The following STARD7 variants were observed in gnomAD, a reference collection of about 807,000 sequenced individuals.
STARD7 encodes the protein StAR related lipid transfer domain containing 7.
In STARD7, 30 loss-of-function variants were observed where a neutral mutation model predicts 45.3. That is an observed-to-expected ratio of 0.66 (90% confidence interval 0.50 to 0.90). The LOEUF is 0.90. STARD7 is among the 40% of genes least tolerant of loss of function. STARD7 has a pLI of 0.00. For missense variants in STARD7, 495 were observed against 491.3 expected (o/e 1.01, Z -0.07); for synonymous variants, 199 against 183.0 (o/e 1.09, Z -0.70).
chr2:96,186,076 CT>C lies in STARD7; in HGVS notation c.*653del, dbSNP rs1683031947. On this transcript the variant is annotated 3_prime_UTR_variant, in exon 8 of 8. Transcript: ENST00000337288. Reference sequence around the variant, plus strand: ...ATTGTGCAGGCAGGGAGGGAAATTTCTTTGTACAAATTCATGTCCCTGGCCA... The same window carrying C: ...ATTGTGCAGGCAGGGAGGGAAATTTCTTGTACAAATTCATGTCCCTGGCCA... 1 of 151,794 alleles carries C rather than the reference CT, an allele frequency of 6.6e-6. No individual in the cohort carries two copies. Among genetic ancestry groups the C allele is most frequent in the Non-Finnish European group, 1.5e-5 (1 of 67,994 alleles). 9.4% of individuals were successfully genotyped at this position (151,794 alleles called of 1,614,324 possible).
At chr2:96,198,168 C>T (rs1264210232) in intron 1 of STARD7, among the ~76,000 whole-genome samples, 2 of 151,954 alleles carry the variant, frequency 1.3e-5, no homozygotes, top group Non-Finnish European at 2.9e-5. Context: ...ACTAAAAATA[C>T]AAAAATTAGC....
intron 1 of STARD7, among the ~76,000 whole-genome samples, chr2:96,206,756 G>C (rs1683397352): frequency 7.2e-6 from 1 of 137,964 alleles, no homozygotes; most frequent in African/African-American, 2.7e-5. Flanking sequence ...AGCCTAGATC[G>C]CGCCACTGCA....
Position 96,208,598 on chromosome 2 carries a change from G to A in STARD7, c.-164C>T, listed in dbSNP as rs928668250. On this transcript the variant is annotated 5_prime_UTR_variant, in exon 1 of 8. Transcript: ENST00000337288. Reference sequence around the variant, plus strand: ...CATCTGTCTCTGCAGCCACCGCTGAGGAAGAGTCTCCTCTGAGGGGAGAGT... The same window carrying A: ...CATCTGTCTCTGCAGCCACCGCTGAAGAAGAGTCTCCTCTGAGGGGAGAGT... The A allele has an allele frequency of 2.0e-5, 11 of 559,016 alleles. No homozygotes were observed. The African/African-American group carries it at 2.0e-4, about 10-fold the overall frequency. 34.6% of individuals were successfully genotyped at this position (559,016 alleles called of 1,614,324 possible).
In STARD7 at chr2:96,187,302, C is replaced by A. The variant is rs1258581638; in HGVS notation, c.844-1G>T. 1 of 1,611,226 alleles carries A rather than the reference C, an allele frequency of 6.2e-7. No homozygotes were observed. The highest frequency in any genetic ancestry group is 1.1e-5 in the South Asian group (1 of 90,980). On this transcript the variant is annotated splice_acceptor_variant, in intron 6 of 7. Coordinates refer to ENST00000337288, the MANE Select transcript of STARD7 (RefSeq NM_020151.4). LOFTEE classifies it high-confidence loss of function. ...ATGTTAGTAAGTAGTCAAAGCCATT[C>A]TGGAAAAGAAAAACAGCAAAAATGA...
rs1449240192 is a variant in STARD7 at position 96,187,207 on chromosome 2, CCTTA to C, written c.928+6_928+9del. On this transcript the variant is annotated splice_donor_region_variant and intron_variant, in intron 7 of 7. Transcript: ENST00000337288. Reference sequence around the variant, plus strand: ...CAGGTTCCAGGCCCTGTATACTTGCCCTTACTTACCACTGGAAACCATCCAACTA... The same window carrying C: ...CAGGTTCCAGGCCCTGTATACTTGCCCTTACCACTGGAAACCATCCAACTA... The C allele has an allele frequency of 6.2e-7, 1 of 1,605,144 alleles. No homozygotes were observed. Among genetic ancestry groups the C allele is most frequent in the South Asian group, 1.1e-5 (1 of 90,828 alleles).
At chr2:96,192,286 C>G (rs1683136875) in intron 6 of STARD7, 83 bp downstream of exon 6, 4 of 1,081,528 alleles carry the variant, frequency 3.7e-6, no homozygotes, top group Non-Finnish European at 5.7e-6. Context: ...CGCCACACCC[C>G]CTCCTCCCTA....
chr2:96,188,540 G>A (rs1407760809), intron 6 of STARD7, among the ~76,000 whole-genome samples: 1 of 151,034 alleles, frequency 6.6e-6, no homozygotes, highest in African/African-American at 2.4e-5. Flanking sequence ...CTCCCAAAGT[G>A]CTGGGATTAC....
chr2:96,187,007 G>T (rs1683047716), intron 7 of STARD7, 93 bp from the exon 8 acceptor site: 1 of 1,224,286 alleles, frequency 8.2e-7, no homozygotes. Context: ...TAGGGAACTA[G>T]TTCTTCCTTA....
intron 1 of STARD7, among the ~76,000 whole-genome samples, chr2:96,199,082 G>T (rs999442438): frequency 6.6e-6 from 1 of 152,148 alleles, no homozygotes; most frequent in Non-Finnish European, 1.5e-5. Context: ...CTGTAGCTTT[G>T]TAATAAGTTT....
At chr2:96,189,996 G>T in intron 6 of STARD7, among the ~76,000 whole-genome samples, 1 of 151,644 alleles carries the variant, frequency 6.6e-6, no homozygotes, top group African/African-American at 2.4e-5. Context: ...AAACATACCA[G>T]TAAAATGTAT....
At chr2:96,202,883 T>C (rs760438526) in intron 1 of STARD7, among the ~76,000 whole-genome samples, 1 of 152,180 alleles carries the variant, frequency 6.6e-6, no homozygotes, top group Non-Finnish European at 1.5e-5. Flanking sequence ...ATAGGCAACA[T>C]TTTTTCATGA....
In STARD7 at chr2:96,208,457, G is replaced by A; in HGVS notation, c.-23C>T. On this transcript the variant is annotated 5_prime_UTR_variant, in exon 1 of 8. Transcript: ENST00000337288. ...CATGCCGCCTCCCGCAGGGCCCGCC[G>A]CGAGCTTCCGGGGCCCAAGGAACCA... 2.9e-6 allele frequency: 4 copies of A among 1,358,090 alleles called. No homozygotes were observed. The highest frequency in any genetic ancestry group is 3.8e-6 in the Non-Finnish European group (4 of 1,065,232). 84.1% of individuals were successfully genotyped at this position (1,358,090 alleles called of 1,614,324 possible). A position where few individuals can be genotyped will look rare whatever the true frequency, so the allele number is the denominator to read the frequency against.
intron 1 of STARD7, among the ~76,000 whole-genome samples, chr2:96,202,647 T>TA (rs1463205701): frequency 3.9e-5 from 6 of 152,112 alleles, no homozygotes; most frequent in Admixed American, 3.9e-4. Flanking sequence ...TGTCATTCTT[T>TA]AAAAAAAATT....
intron 6 of STARD7, among the ~76,000 whole-genome samples, chr2:96,189,184 A>T (rs1202198296): frequency 6.6e-6 from 1 of 152,116 alleles, no homozygotes; most frequent in East Asian, 1.9e-4. Flanking sequence ...CCTTGGCTAA[A>T]GAGATCCTCC....
At position 96,192,359 on chromosome 2, in the gene STARD7, T is replaced by G. The variant is rs753883995; in HGVS notation, c.843+10A>C. 6 of 1,603,160 alleles carry G rather than the reference T, an allele frequency of 3.7e-6. No homozygotes were observed. The highest frequency in any genetic ancestry group is 2.2e-5 in the South Asian group (2 of 90,854). ...ATGACATGTTATCTCTTGGATGAGG[T>G]AAAACTCACCTCATCAAATGACTTG... On this transcript the variant is annotated intron_variant, in intron 6 of 7. Coordinates refer to ENST00000337288, the MANE Select transcript of STARD7 (RefSeq NM_020151.4).
rs1683046643 is a variant in STARD7 at position 96,186,934 on chromosome 2, A to C, written c.929-20T>G. 1.3e-6 allele frequency: 2 copies of C among 1,599,888 alleles called. No individual in the cohort carries two copies. Among genetic ancestry groups the C allele is most frequent in the Non-Finnish European group, 1.7e-6 (2 of 1,173,184 alleles). ...GCATGCCTGTCAGGAGACGAGAATC[A>C]GGTTAAGCTGACATACAAACCAACA... is the stretch of plus-strand genomic sequence containing the variant. On this transcript the variant is annotated intron_variant, in intron 7 of 7. Transcript: ENST00000337288.
intron 1 of STARD7, among the ~76,000 whole-genome samples, chr2:96,204,155 A>G (rs2104205609): frequency 6.6e-6 from 1 of 151,366 alleles, no homozygotes; most frequent in East Asian, 2.0e-4. Context: ...AGCCACTGGC[A>G]AGGCTGAGGC....
At chr2:96,202,846 A>C (rs1375417730) in intron 1 of STARD7, among the ~76,000 whole-genome samples, 1 of 152,236 alleles carries the variant, frequency 6.6e-6, no homozygotes, top group Non-Finnish European at 1.5e-5. Context: ...TTACATAGTT[A>C]ATAAAGTTTT....
intron 3 of STARD7, among the ~76,000 whole-genome samples, chr2:96,194,240 T>G (rs1309773559): frequency 6.6e-6 from 1 of 152,036 alleles, no homozygotes; most frequent in African/African-American, 2.4e-5. Context: ...CGCATGCCTG[T>G]AGGCCTGGAA....
Sources: gnomAD v4.1 joint callset for allele counts (sites outside exome capture counted in the v4.1 genomes callset) on GRCh38, gnomAD v4.1.1 for gene constraint, MANE v1.5 for transcripts, NCBI Gene and HGNC (gene_info 2026-07-23, HGNC 2026-07-21) for gene names.